FBXL19: variants seen among roughly 807,000 people sequenced by gnomAD.
The protein encoded by FBXL19 is F-box/LRR-repeat protein 19.
Under a neutral mutation model 71.2 loss-of-function variants are expected in FBXL19, and 16 were observed. The observed-to-expected ratio is 0.22, with a 90% CI of 0.15 to 0.34. FBXL19 has a LOEUF of 0.34. Among genes scored for constraint, FBXL19 ranks in the 10% least tolerant of loss-of-function variants. FBXL19 has a pLI of 1.00. For synonymous variants in FBXL19, 447 were observed against 409.4 expected (o/e 1.09, Z -1.11); for missense variants, 658 against 968.2 (o/e 0.68, Z 4.25).
At chr16:30,926,358 C>T (rs1225977975) in intron 2 of FBXL19, among the ~76,000 whole-genome samples, 1 of 152,208 alleles carries the variant, frequency 6.6e-6, no homozygotes. Flanking sequence ...TTGAGCAAAT[C>T]ATGCTGAATG....
chr16:30,923,521 G>T (rs2055549449), upstream of FBXL19, among the ~76,000 whole-genome samples: 1 of 148,136 alleles, frequency 6.8e-6, no homozygotes, highest in African/African-American at 2.5e-5. Context: ...GAGTAAAGAG[G>T]GGGAGGAGGA....
chr16:30,937,475 C>G (rs1187768584), intron 7 of FBXL19, among the ~76,000 whole-genome samples: 1 of 152,104 alleles, frequency 6.6e-6, no homozygotes, highest in Non-Finnish European at 1.5e-5. Context: ...ATGGCAGGAA[C>G]CTGTCATCTT....
At chr16:30,940,416 T>C (rs894901643) in intron 7 of FBXL19, among the ~76,000 whole-genome samples, 7 of 150,528 alleles carry the variant, frequency 4.7e-5, no homozygotes, top group African/African-American at 1.7e-4. Flanking sequence ...CAAGACACTG[T>C]CTCAAGAAAA....
rs1165487962 is a variant in FBXL19 at position 30,937,338 on chromosome 16, G to A, written c.1302-4778G>A. Among the ~76,000 whole-genome samples the A allele has an allele frequency of 2.6e-5, 4 of 151,886 alleles. No individual in the cohort carries two copies. The East Asian group carries it at 7.7e-4, about 29-fold the overall frequency. On this transcript the variant is annotated intron_variant, in intron 7 of 10. Transcript: ENST00000338343. ...CCCTCCCCTTGCTGAAATAACTACT[G>A]CTTTCCTCGGAGTCTCAGGTCAGGC...
chr16:30,931,096 A>G (rs2143331553), intron 7 of FBXL19, among the ~76,000 whole-genome samples: 1 of 151,960 alleles, frequency 6.6e-6, no homozygotes, highest in Middle Eastern at 3.4e-3. Context: ...GAACCTCCTG[A>G]CTCGGTTCCT....
chr16:30,946,459 C>T lies in FBXL19; in HGVS notation c.1628-271C>T, dbSNP rs1700473660. 6.6e-6 allele frequency among the ~76,000 whole-genome samples: 1 copy of T among 152,218 alleles called. No homozygotes were observed. The highest frequency in any genetic ancestry group is 1.5e-5 in the Non-Finnish European group (1 of 68,048). On this transcript the variant is annotated intron_variant, in intron 9 of 10. Coordinates refer to ENST00000338343, the MANE Select transcript of FBXL19 (RefSeq NM_001382779.1). This position sits in a 1 kb window ranked among gnomAD's most constrained non-coding sequence, Gnocchi z 6.7. ...ACCTCAAGTGAGCCGCCTGCCTCGG[C>T]TTCCCAAAGTGCTAGGATTACAGGC... is the stretch of plus-strand genomic sequence containing the variant.
upstream of FBXL19, chr16:30,923,399 C>T (rs1255502341): frequency 2.7e-6 from 1 of 363,752 alleles, no homozygotes; most frequent in Non-Finnish European, 5.5e-6. Context: ...CCCGTAGCAT[C>T]AGTGGCCGCA....
In FBXL19 at chr16:30,947,707, C is replaced by T. The variant is rs2055876870; in HGVS notation, c.*477C>T. 2 of 346,014 alleles carry T rather than the reference C, an allele frequency of 5.8e-6. No individual in the cohort carries two copies. The highest frequency in any genetic ancestry group is 5.7e-6 in the Non-Finnish European group (1 of 174,006). 21.4% of individuals were successfully genotyped at this position (346,014 alleles called of 1,614,324 possible). A position where few individuals can be genotyped will look rare whatever the true frequency, so the allele number is the denominator to read the frequency against. Reference sequence around the variant, plus strand: ...GGGGGTGGGGCCACAAAAGGAAAACCGGAGGAGCAATTGGGGATCCAGGTG... The same window carrying T: ...GGGGGTGGGGCCACAAAAGGAAAACTGGAGGAGCAATTGGGGATCCAGGTG... On this transcript the variant is annotated 3_prime_UTR_variant, in exon 11 of 11. Coordinates refer to ENST00000338343, the MANE Select transcript of FBXL19 (RefSeq NM_001382779.1).
At chr16:30,941,980 C>A in intron 7 of FBXL19, 136 bp from the exon 8 acceptor site, 1 of 949,062 alleles carries the variant, frequency 1.1e-6, no homozygotes, top group Non-Finnish European at 1.5e-6. Flanking sequence ...TGGCTGAGGT[C>A]AGGTGCTTCT....
At position 30,925,767 on chromosome 16, in the gene FBXL19, AGCCGGGG is replaced by A; in HGVS notation, c.26_32del (p.Gly9GlufsTer29). ...GCTGACGCCCCCAATGTCGTCGAGC[AGCCGGGG>A]GCCGGGGGCCGGAGCGCGCCGACGC... On this transcript the variant is annotated frameshift_variant, in exon 2 of 11. Coordinates refer to ENST00000338343, the MANE Select transcript of FBXL19 (RefSeq NM_001382779.1). LOFTEE classifies it high-confidence loss of function. This position sits in a 1 kb window ranked among gnomAD's most constrained non-coding sequence, Gnocchi z 5.0. The A allele has an allele frequency of 6.7e-7, 1 of 1,484,188 alleles. No homozygotes were observed. Among genetic ancestry groups the A allele is most frequent in the Non-Finnish European group, 8.9e-7 (1 of 1,122,468 alleles). 91.9% of individuals were successfully genotyped at this position (1,484,188 alleles called of 1,614,324 possible). A position where few individuals can be genotyped will look rare whatever the true frequency, so the allele number is the denominator to read the frequency against.
rs773897978 is a variant in FBXL19, at chr16:30,927,493, G to A, written c.321+42G>A. 2.6e-6 allele frequency: 4 copies of A among 1,566,530 alleles called. No individual in the cohort carries two copies. In the East Asian group the frequency reaches 7.1e-5, roughly 28 times the overall value. ...CCCGGCGTCTGGGGTGGGGCAGATT[G>A]TCAGGGAGCAGAGAGTGGGGGATCA... On this transcript the variant is annotated intron_variant, in intron 3 of 10. Coordinates refer to ENST00000338343, the MANE Select transcript of FBXL19 (RefSeq NM_001382779.1).
intron 1 of FBXL19, chr16:30,924,878 G>A (rs2055572632): frequency 1.2e-6 from 1 of 844,258 alleles, no homozygotes; most frequent in Non-Finnish European, 1.7e-6. Flanking sequence ...GATTAGGGAT[G>A]AAAGCAGCCC....
intron 5 of FBXL19, 69 bp from the exon 6 acceptor site, chr16:30,928,398 T>C: frequency 7.0e-7 from 1 of 1,427,022 alleles, no homozygotes; most frequent in Non-Finnish European, 9.3e-7. Context: ...GCATGGACCT[T>C]AGATTTCTGG....
At chr16:30,931,983 C>G (rs1436642859) in intron 7 of FBXL19, among the ~76,000 whole-genome samples, 1 of 151,570 alleles carries the variant, frequency 6.6e-6, no homozygotes, top group South Asian at 2.1e-4. Context: ...TGAAGCGATC[C>G]GCCCGCCTCA....
At chr16:30,939,194 C>T (rs973376143) in intron 7 of FBXL19, among the ~76,000 whole-genome samples, 29 of 151,154 alleles carry the variant, frequency 1.9e-4, no homozygotes, top group Middle Eastern at 3.5e-3. Flanking sequence ...GCCTTAGCCT[C>T]CCAAGTAGCT....
chr16:30,925,988 TG>T lies in FBXL19; in HGVS notation c.177+59del. ...CACCCTTCCCAATACCTTCTTGGAA[TG>T]GCTGGTGACTGCCTCCCAGCCTGTA... On this transcript the variant is annotated intron_variant, in intron 2 of 10. Coordinates refer to ENST00000338343, the MANE Select transcript of FBXL19 (RefSeq NM_001382779.1). This position sits in a 1 kb window ranked among gnomAD's most constrained non-coding sequence, Gnocchi z 5.0. 3.5e-6 allele frequency: 5 copies of T among 1,423,726 alleles called. No individual in the cohort carries two copies. The highest frequency in any genetic ancestry group is 4.6e-6 in the Non-Finnish European group (5 of 1,091,848). 88.2% of individuals were successfully genotyped at this position (1,423,726 alleles called of 1,614,324 possible).
chr16:30,928,354 C>A, intron 5 of FBXL19, 113 bp from the exon 6 acceptor site: 1 of 1,159,142 alleles, frequency 8.6e-7, no homozygotes. Flanking sequence ...ATCCCTGGGA[C>A]GGGGGCTTCT....
At chr16:30,936,435 A>ATTT (rs1174123411) in intron 7 of FBXL19, among the ~76,000 whole-genome samples, 2 of 131,476 alleles carry the variant, frequency 1.5e-5, no homozygotes, top group African/African-American at 2.8e-5. Flanking sequence ...TCTGGGCCTC[A>ATTT]TTTTTTTTTT....
chr16:30,926,052 C>T, intron 2 of FBXL19, 121 bp downstream of exon 2: 14 of 1,331,842 alleles, frequency 1.1e-5, no homozygotes, highest in Non-Finnish European at 1.3e-5. Context: ...TCATTTCTTC[C>T]CTTCATTCAC....
Sources: allele counts gnomAD v4.1 joint callset (sites outside exome capture counted in the v4.1 genomes callset), GRCh38; gene constraint gnomAD v4.1.1; non-coding constraint Gnocchi (gnomAD v3.1); transcripts MANE v1.5; gene names NCBI Gene and HGNC (gene_info 2026-07-23, HGNC 2026-07-21).